Variants in SORCS2 observed in about 807,000 individuals in gnomAD.
The protein encoded by SORCS2 is VPS10 domain-containing receptor SorCS2.
SORCS2 carries 100 observed loss-of-function variants against 141.6 expected under a neutral mutation model. The ratio of observed to expected loss-of-function variants is 0.71; its 90% CI spans 0.60 to 0.83. The LOEUF is 0.83. Among genes scored for constraint, SORCS2 ranks in the 40% least tolerant of loss-of-function variants. The pLI is 0.00. For missense variants in SORCS2, 1,646 were observed against 1,560.2 expected, an observed-to-expected ratio of 1.05 and a Z score of -0.93; for synonymous variants, 789 against 676.9, an observed-to-expected ratio of 1.17 and a Z score of -2.57.
At chr4:7,381,972 G>A in intron 1 of SORCS2, 1 of 985,716 alleles carries the variant, frequency 1.0e-6, no homozygotes, top group Non-Finnish European at 1.2e-6. Context: ...GGCCTGTGGA[G>A]TCTCCAGAGG....
intron 5 of SORCS2, among the ~76,000 whole-genome samples, chr4:7,657,523 G>A (rs1334054598): frequency 1.3e-5 from 2 of 152,206 alleles, no homozygotes; most frequent in Non-Finnish European, 2.9e-5. Flanking sequence ...AAATAGCTGA[G>A]TGTGATTGAG....
At chr4:7,601,857 G>C (rs937519278) in intron 3 of SORCS2, among the ~76,000 whole-genome samples, 1 of 151,998 alleles carries the variant, frequency 6.6e-6, no homozygotes, top group African/African-American at 2.4e-5. Flanking sequence ...GTGAGATTAG[G>C]GAGCGGTGAT....
intron 2 of SORCS2, among the ~76,000 whole-genome samples, chr4:7,495,815 C>T (rs1263682047): frequency 6.6e-6 from 1 of 152,184 alleles, no homozygotes; most frequent in Non-Finnish European, 1.5e-5. Context: ...GCGTGGTGAC[C>T]CCTCAGAGGA....
intron 3 of SORCS2, among the ~76,000 whole-genome samples, chr4:7,537,168 G>A (rs1254433471): frequency 6.6e-6 from 1 of 152,240 alleles, no homozygotes; most frequent in Non-Finnish European, 1.5e-5. Context: ...CAGTCTGGGG[G>A]CTGCTGAGCT....
At chr4:7,644,030 A>T (rs76134763) in intron 4 of SORCS2, among the ~76,000 whole-genome samples, 75 of 152,300 alleles carry the variant, frequency 4.9e-4, no homozygotes, top group Admixed American at 3.5e-3. Context: ...GGGCAGGAAC[A>T]ATACTCCCCT....
chr4:7,636,486 AT>A (rs1348277619), intron 3 of SORCS2, among the ~76,000 whole-genome samples: 3 of 152,078 alleles, frequency 2.0e-5, no homozygotes, highest in Non-Finnish European at 4.4e-5. Context: ...TTCAAATTCC[AT>A]GGCTGTGCGA....
chr4:7,489,378 T>A (rs1045624201), intron 2 of SORCS2, among the ~76,000 whole-genome samples: 7 of 152,210 alleles, frequency 4.6e-5, no homozygotes, highest in African/African-American at 1.7e-4. Context: ...GATTTGCCGC[T>A]CCCTGTGTTG....
At chr4:7,372,543 G>A (rs752840575) in intron 1 of SORCS2, among the ~76,000 whole-genome samples, 1 of 152,146 alleles carries the variant, frequency 6.6e-6, no homozygotes, top group Non-Finnish European at 1.5e-5. Flanking sequence ...CCTGACCTCG[G>A]GTGATCCATC....
intron 1 of SORCS2, among the ~76,000 whole-genome samples, chr4:7,365,788 C>T (rs1721846316): frequency 6.6e-6 from 1 of 152,188 alleles, no homozygotes; most frequent in African/African-American, 2.4e-5. Context: ...ACACGTGTGT[C>T]ATTTTGCTGA....
chr4:7,611,933 G>C (rs1463040102), intron 3 of SORCS2, among the ~76,000 whole-genome samples: 1 of 152,248 alleles, frequency 6.6e-6, no homozygotes, highest in Non-Finnish European at 1.5e-5. Context: ...GAGAGGCCAG[G>C]GAGGCCAGTG....
chr4:7,454,650 C>CTG, intron 2 of SORCS2, among the ~76,000 whole-genome samples: 1 of 86,390 alleles, frequency 1.2e-5, no homozygotes, highest in Admixed American at 1.4e-4. Context: ...GGGTCAGGCA[C>CTG]TGTGTTGGGG....
At chr4:7,722,655 T>C (rs1726670450) in intron 18 of SORCS2, among the ~76,000 whole-genome samples, 1 of 152,128 alleles carries the variant, frequency 6.6e-6, no homozygotes, top group South Asian at 2.1e-4. Flanking sequence ...CCCACCCTAA[T>C]CCAGTATGAC....
Position 7,661,564 on chromosome 4 carries a change from G to A in SORCS2, c.952G>A (p.Asp318Asn), listed in dbSNP as rs759881484. ...CGTGGAAGCCCAAGACCTCGGTGGA[G>A]GTAAGCCGGGCAGTGCACAGGCACC... ...VHVEAQDLGGDFRYVTCAIHN... is the reference protein window; with the variant it reads ...VHVEAQDLGGNFRYVTCAIHN... The change falls in exon 6 of 27, where the codon GAT becomes AAT. Residue 318 changes from aspartate to asparagine, a missense_variant and splice_region_variant. Physicochemically the swap from Asp to Asn is conservative, Grantham distance 23. Transcript: ENST00000507866. The A allele has an allele frequency of 1.9e-6, 3 of 1,551,766 alleles. No homozygotes were observed. The South Asian group carries it at 3.6e-5, about 18-fold the overall frequency.
intron 1 of SORCS2, among the ~76,000 whole-genome samples, chr4:7,362,219 C>T (rs1721625499): frequency 6.6e-6 from 1 of 152,088 alleles, no homozygotes; most frequent in African/African-American, 2.4e-5. Context: ...TCCATAGCCG[C>T]CAGTCGTCCT....
intron 1 of SORCS2, among the ~76,000 whole-genome samples, chr4:7,375,254 T>C (rs1722562270): frequency 6.6e-6 from 1 of 152,196 alleles, no homozygotes; most frequent in Admixed American, 6.5e-5. Context: ...GAGTCAGGCA[T>C]GGGGATACAG....
intron 4 of SORCS2, among the ~76,000 whole-genome samples, chr4:7,643,142 C>T (rs2108876827): frequency 6.6e-6 from 1 of 152,326 alleles, no homozygotes; most frequent in South Asian, 2.1e-4. Flanking sequence ...TACAATGCTT[C>T]CCTTATCCTC....
chr4:7,668,790 C>A (rs1027217050), intron 8 of SORCS2, among the ~76,000 whole-genome samples: 2 of 152,182 alleles, frequency 1.3e-5, no homozygotes, highest in Non-Finnish European at 2.9e-5. Flanking sequence ...ATCTGGGAAG[C>A]CTTCCCTCGA....
chr4:7,374,161 T>C (rs1349490183), intron 1 of SORCS2, among the ~76,000 whole-genome samples: 7 of 148,138 alleles, frequency 4.7e-5, no homozygotes. Flanking sequence ...CTTTCTTTCT[T>C]TCTTTCTTTC....
intron 1 of SORCS2, among the ~76,000 whole-genome samples, chr4:7,389,838 G>T (rs868194100): frequency 2.2e-4 from 34 of 152,206 alleles, no homozygotes; most frequent in African/African-American, 8.0e-4. Context: ...CCGCGGTAGT[G>T]AGAGTGGAGG....
Sources: allele counts gnomAD v4.1 joint callset (sites outside exome capture counted in the v4.1 genomes callset), GRCh38; gene constraint gnomAD v4.1.1; transcripts MANE v1.5; gene names NCBI Gene and HGNC (gene_info 2026-07-23, HGNC 2026-07-21).